Variants in GRXCR1 observed in about 807,000 individuals in gnomAD.
The protein encoded by GRXCR1 is glutaredoxin and cysteine rich domain containing 1.
GRXCR1 carries 27 observed loss-of-function variants against 27.3 expected under a neutral mutation model. That is an observed-to-expected ratio of 0.99 (90% CI 0.73 to 1.37). The LOEUF is 1.37. GRXCR1 is among the 40% of genes most tolerant of loss of function. The probability of loss-of-function intolerance (pLI) is 0.00; values close to 1 mark genes in which losing one functional copy is unlikely to be tolerated. For synonymous variants in GRXCR1, 122 were observed against 131.1 expected (o/e 0.93, Z 0.47); for missense variants, 379 against 354.4 (o/e 1.07, Z -0.56).
chr4:43,009,127 A>AAT (rs1380763170), intron 2 of GRXCR1, among the ~76,000 whole-genome samples: 1 of 152,240 alleles, frequency 6.6e-6, no homozygotes, highest in Non-Finnish European at 1.5e-5. Flanking sequence ...ATTATGAAGG[A>AAT]ATACCAGGCT....
intron 1 of GRXCR1, among the ~76,000 whole-genome samples, chr4:42,921,058 A>G (rs1292597530): frequency 1.3e-5 from 2 of 152,180 alleles, no homozygotes; most frequent in South Asian, 2.1e-4. Flanking sequence ...TTTAAAATTC[A>G]TATGTTGAAA....
chr4:43,006,055 C>T (rs1378828768), intron 2 of GRXCR1, among the ~76,000 whole-genome samples: 1 of 152,176 alleles, frequency 6.6e-6, no homozygotes, highest in Non-Finnish European at 1.5e-5. Flanking sequence ...CCTGTCTTTA[C>T]TACAATCTCT....
At chr4:42,997,928 G>C (rs972512771) in intron 2 of GRXCR1, among the ~76,000 whole-genome samples, 2 of 152,054 alleles carry the variant, frequency 1.3e-5, no homozygotes, top group African/African-American at 2.4e-5. Context: ...TCTTTTCCAT[G>C]TCAATTGTTT....
intron 2 of GRXCR1, among the ~76,000 whole-genome samples, chr4:42,996,303 C>A (rs1019581142): frequency 1.3e-5 from 2 of 152,084 alleles, no homozygotes; most frequent in Non-Finnish European, 2.9e-5. Flanking sequence ...TCTGCTGTGG[C>A]TAATACCGTC....
chr4:42,896,956 A>G (rs1379530047), intron 1 of GRXCR1, among the ~76,000 whole-genome samples: 2 of 151,644 alleles, frequency 1.3e-5, no homozygotes, highest in African/African-American at 4.8e-5. Context: ...CAGAAATCTT[A>G]CCAGGACACT....
chr4:42,965,077 C>T (rs1017995278), intron 2 of GRXCR1, among the ~76,000 whole-genome samples: 1 of 152,072 alleles, frequency 6.6e-6, no homozygotes, highest in Non-Finnish European at 1.5e-5. Context: ...AACTGCTTAT[C>T]TTCTCACTAC....
At chr4:42,903,310 T>A (rs1418972829) in intron 1 of GRXCR1, among the ~76,000 whole-genome samples, 1 of 14,902 alleles carries the variant, frequency 6.7e-5, no homozygotes, top group Non-Finnish European at 3.1e-4. Flanking sequence ...CTTTGTAGAT[T>A]TTTTTTTTTT....
intron 1 of GRXCR1, among the ~76,000 whole-genome samples, chr4:42,938,823 A>T (rs1747527456): frequency 6.7e-6 from 1 of 149,658 alleles, no homozygotes. Context: ...AGATGTATGG[A>T]TTTATTTCTG....
At chr4:42,904,359 A>C (rs1746536724) in intron 1 of GRXCR1, among the ~76,000 whole-genome samples, 1 of 152,204 alleles carries the variant, frequency 6.6e-6, no homozygotes, top group South Asian at 2.1e-4. Flanking sequence ...GGAGCAAGAG[A>C]AAACCTAAGT....
At chr4:43,008,781 A>G (rs1326216244) in intron 2 of GRXCR1, among the ~76,000 whole-genome samples, 1 of 152,182 alleles carries the variant, frequency 6.6e-6, no homozygotes, top group African/African-American at 2.4e-5. Flanking sequence ...TGTGATTTTG[A>G]ACAATATTCC....
Position 42,897,921 on chromosome 4 carries a change from C to CTAT in GRXCR1, c.384+4306_384+4308dup, listed in dbSNP as rs3075913. On this transcript the variant is annotated intron_variant, in intron 1 of 3. Coordinates refer to ENST00000399770, the MANE Select transcript of GRXCR1 (RefSeq NM_001080476.3). ...TATAAAGTGAACAGAAAAGTTATTA[C>CTAT]TATTATTATTATTATTATTATTATT... 9.7e-3 allele frequency among the ~76,000 whole-genome samples: 1,235 copies of CTAT among 127,036 alleles called. 12 individuals carry two copies. Among genetic ancestry groups the CTAT allele is most frequent in the African/African-American group, 0.023 (841 of 36,578 alleles). The allele number at this position is 127,036 out of a possible 152,430, so 83.3% of individuals were successfully genotyped here.
intron 1 of GRXCR1, among the ~76,000 whole-genome samples, chr4:42,916,806 C>T (rs1746896500): frequency 6.6e-6 from 1 of 152,100 alleles, no homozygotes; most frequent in Non-Finnish European, 1.5e-5. Flanking sequence ...CAAAGTTCTA[C>T]ATCCAAGATT....
intron 2 of GRXCR1, among the ~76,000 whole-genome samples, chr4:42,969,184 G>A (rs1372261709): frequency 6.6e-6 from 1 of 152,112 alleles, no homozygotes; most frequent in Non-Finnish European, 1.5e-5. Context: ...AAAGTTAAGT[G>A]CTTTGTTATG....
In GRXCR1 at chr4:43,020,394, T is replaced by A. The variant is rs1171186208; in HGVS notation, c.668T>A (p.Leu223Gln). The change falls in exon 3 of 4, where the codon CTG becomes CAG. Residue 223 changes from leucine to glutamine, a missense_variant. Physicochemically the swap from Leu to Gln is moderately radical, Grantham distance 113. Transcript: ENST00000399770. The stretch of plus-strand genomic sequence containing the variant: ...TTGTCAATGAATGAATCAGGAGAAC[T>A]GCAAGACATCCTAACCAAAATTGAG... Reference protein sequence around the residue: ...KILSMNESGELQDILTKIERV... With the variant: ...KILSMNESGEQQDILTKIERV... The A allele has an allele frequency of 1.9e-6, 3 of 1,612,050 alleles. No homozygotes were observed. Among genetic ancestry groups the A allele is most frequent in the Non-Finnish European group, 2.5e-6 (3 of 1,178,172 alleles).
chr4:42,990,368 T>C (rs967233691), intron 2 of GRXCR1, among the ~76,000 whole-genome samples: 1 of 150,884 alleles, frequency 6.6e-6, no homozygotes, highest in Non-Finnish European at 1.5e-5. Context: ...ATTTTTTGTA[T>C]TTTTAGTAGA....
intron 1 of GRXCR1, among the ~76,000 whole-genome samples, chr4:42,951,869 C>T (rs923109808): frequency 2.9e-4 from 44 of 152,080 alleles, no homozygotes; most frequent in African/African-American, 1.0e-3. Flanking sequence ...TAATAATCAG[C>T]GATTTTCTTT....
intron 1 of GRXCR1, among the ~76,000 whole-genome samples, chr4:42,911,307 G>A (rs530324893): frequency 7.9e-5 from 12 of 152,118 alleles, no homozygotes; most frequent in South Asian, 6.2e-4. Flanking sequence ...TTCCAAATAT[G>A]CCTCTAATAC....
chr4:42,987,222 T>TTATATATTATATGTA (rs1711772964), intron 2 of GRXCR1, among the ~76,000 whole-genome samples: 1 of 100,594 alleles, frequency 9.9e-6, no homozygotes, highest in Non-Finnish European at 1.9e-5. Flanking sequence ...TATATATATA[T>TTATATATTATATGTA]TATATATTAT....
chr4:42,919,635 C>A (rs1168066641), intron 1 of GRXCR1, among the ~76,000 whole-genome samples: 2 of 152,050 alleles, frequency 1.3e-5, no homozygotes, highest in African/African-American at 4.8e-5. Flanking sequence ...ACTCAATTCA[C>A]CAGGCCATGT....
Sources: allele counts gnomAD v4.1 joint callset (sites outside exome capture counted in the v4.1 genomes callset), GRCh38; gene constraint gnomAD v4.1.1; transcripts MANE v1.5; gene names NCBI Gene and HGNC (gene_info 2026-07-23, HGNC 2026-07-21).